Variants in GTF2H1 observed in about 807,000 individuals in gnomAD.
The protein encoded by GTF2H1 is general transcription factor IIH subunit 1.
Under a neutral mutation model 71.2 loss-of-function variants are expected in GTF2H1, and 16 were observed. The observed-to-expected ratio is 0.22, with a 90% confidence interval of 0.15 to 0.34. The LOEUF (loss-of-function observed/expected upper bound fraction) is 0.34. GTF2H1 is among the 10% of genes least tolerant of loss of function. The probability of loss-of-function intolerance (pLI) is 1.00; values close to 1 mark genes in which losing one functional copy is unlikely to be tolerated. For missense variants in GTF2H1, 498 were observed against 648.2 expected, an observed-to-expected ratio of 0.77 and a Z score of 2.52; for synonymous variants, 215 against 219.0, an observed-to-expected ratio of 0.98 and a Z score of 0.16.
intron 11 of GTF2H1, among the ~76,000 whole-genome samples, chr11:18,357,663 T>C (rs1177373643): frequency 6.6e-6 from 1 of 152,196 alleles, no homozygotes; most frequent in Non-Finnish European, 1.5e-5. Context: ...CATATTAAAT[T>C]GAATTGGTAC....
chr11:18,365,724 G>A (rs1865808354), intron 14 of GTF2H1, 59 bp from the exon 15 acceptor site: 1 of 1,148,356 alleles, frequency 8.7e-7, no homozygotes, highest in Non-Finnish European at 1.3e-6. Flanking sequence ...GATTTGGGTT[G>A]GAAGGATTAA....
At chr11:18,345,477 C>T (rs1490011501) in intron 7 of GTF2H1, among the ~76,000 whole-genome samples, 1 of 150,282 alleles carries the variant, frequency 6.7e-6, no homozygotes, top group African/African-American at 2.4e-5. Context: ...TTATTTGATA[C>T]ATTGATGAAC....
chr11:18,333,371 T>C (rs1329982626), intron 2 of GTF2H1, 143 bp downstream of exon 2: 9 of 594,058 alleles, frequency 1.5e-5, no homozygotes, highest in Non-Finnish European at 2.3e-5. Flanking sequence ...GAATATATAC[T>C]GTTTTATAAC....
intron 9 of GTF2H1, among the ~76,000 whole-genome samples, chr11:18,349,418 C>G (rs976716575): frequency 1.3e-5 from 2 of 152,136 alleles, no homozygotes; most frequent in Admixed American, 1.3e-4. Context: ...AGCCGTGGCT[C>G]ACACCTGTAG....
intron 14 of GTF2H1, among the ~76,000 whole-genome samples, chr11:18,364,144 T>C (rs1865767892): frequency 2.0e-5 from 3 of 152,082 alleles, no homozygotes; most frequent in Admixed American, 6.6e-5. Flanking sequence ...TGTCTTCCAA[T>C]TGATAATATA....
chr11:18,362,163 A>G (rs867817571), intron 14 of GTF2H1, among the ~76,000 whole-genome samples: 1 of 152,246 alleles, frequency 6.6e-6, no homozygotes, highest in Non-Finnish European at 1.5e-5. Context: ...ACAAACCTGT[A>G]CAGCATAGTA....
intron 7 of GTF2H1, among the ~76,000 whole-genome samples, chr11:18,345,418 T>G (rs1188271913): frequency 1.3e-5 from 2 of 152,176 alleles, no homozygotes; most frequent in Non-Finnish European, 2.9e-5. Context: ...TTTGTTCTGT[T>G]TATTGGCCTG....
rs753945142 is a variant in GTF2H1 at position 18,365,783 on chromosome 11, T to C, written c.1561T>C (p.Leu521=). Residue 521 remains leucine, a splice_region_variant and synonymous_variant, in exon 15 of 15, where the codon TTG becomes CTG. Transcript: ENST00000265963. Reference sequence around the variant, plus strand: ...TTAAGTGTCTTGCTGTGTTTTTCAGTTGGTAAGTCACATAGAAGAGATGCT... The same window carrying C: ...TTAAGTGTCTTGCTGTGTTTTTCAGCTGGTAAGTCACATAGAAGAGATGCT... ...KIRRQYLSTN[L]VSHIEEMLQT... is the part of the protein sequence containing the mutation. 6 of 1,609,660 alleles carry C rather than the reference T, an allele frequency of 3.7e-6. No individual in the cohort carries two copies. Among genetic ancestry groups the C allele is most frequent in the African/African-American group, 1.3e-5 (1 of 74,936 alleles).
chr11:18,331,853 C>T (rs1439120989), intron 1 of GTF2H1, among the ~76,000 whole-genome samples: 1 of 152,128 alleles, frequency 6.6e-6, no homozygotes, highest in Non-Finnish European at 1.5e-5. Context: ...TCCAGTATTT[C>T]ATTGTTCCCA....
rs577812832 is a variant in GTF2H1 at position 18,328,277 on chromosome 11, G to A, written c.-15-4783G>A. ...TGTAATCCCAGCACTTTGGGAGGCC[G>A]AGGCAGGTGGATCACCTGAGGTCAG... On this transcript the variant is annotated intron_variant, in intron 1 of 14. Transcript: ENST00000265963. Among the ~76,000 whole-genome samples, 5 of 151,138 alleles carry A rather than the reference G, an allele frequency of 3.3e-5. No individual in the cohort carries two copies. The South Asian group carries it at 8.4e-4, about 25-fold the overall frequency.
intron 7 of GTF2H1, 128 bp from the exon 8 acceptor site, chr11:18,347,460 A>G: frequency 1.7e-6 from 1 of 595,076 alleles, no homozygotes; most frequent in Non-Finnish European, 2.9e-6. Flanking sequence ...ATGTTTGTTC[A>G]TAAATATTTA....
At chr11:18,336,854 A>G (rs943784707) in intron 3 of GTF2H1, among the ~76,000 whole-genome samples, 2 of 151,298 alleles carry the variant, frequency 1.3e-5, no homozygotes, top group African/African-American at 4.9e-5. Flanking sequence ...TCCTGGGTTC[A>G]AGCAGTTCTC....
At chr11:18,358,313 G>C (rs1865610771) in intron 12 of GTF2H1, among the ~76,000 whole-genome samples, 1 of 152,106 alleles carries the variant, frequency 6.6e-6, no homozygotes, top group Admixed American at 6.6e-5. Context: ...TTAGAATAAA[G>C]GGGAAACCTG....
At chr11:18,352,177 C>T in intron 10 of GTF2H1, 152 bp from the exon 11 acceptor site, 1 of 635,288 alleles carries the variant, frequency 1.6e-6, no homozygotes, top group Non-Finnish European at 2.8e-6. Flanking sequence ...TCTTATTGCC[C>T]TTATGGGAAT....
At chr11:18,339,531 C>G in intron 4 of GTF2H1, 33 bp from the exon 5 acceptor site, 5 of 1,464,384 alleles carry the variant, frequency 3.4e-6, no homozygotes, top group Non-Finnish European at 4.8e-6. Context: ...CCCTGATGCT[C>G]TAACGTGTAT....
chr11:18,341,463 A>ATTATAAGTG, intron 6 of GTF2H1, 53 bp downstream of exon 6: 1 of 1,605,772 alleles, frequency 6.2e-7, no homozygotes. Flanking sequence ...CCCTCTAGAC[A>ATTATAAGTG]TTATAAGTGT....
chr11:18,322,893 C>T (rs1170704425), intron 1 of GTF2H1, among the ~76,000 whole-genome samples, 153 bp downstream of exon 1: 2 of 152,204 alleles, frequency 1.3e-5, no homozygotes, highest in Non-Finnish European at 2.9e-5. Flanking sequence ...CTTGTTTGCC[C>T]TTATCCCGAG....
At chr11:18,338,086 A>T in intron 3 of GTF2H1, 23 bp from the exon 4 acceptor site, 1 of 1,556,404 alleles carries the variant, frequency 6.4e-7, no homozygotes, top group Non-Finnish European at 8.9e-7. Context: ...GTTCAGTTAT[A>T]TTCAGTATAT....
At position 18,333,324 on chromosome 11, in the gene GTF2H1, A is replaced by G. The variant is rs1239157390; in HGVS notation, c.154+96A>G. On this transcript the variant is annotated intron_variant, in intron 2 of 14. Transcript: ENST00000265963. The stretch of plus-strand genomic sequence containing the variant: ...ATAAATCTTTATTTTATATCAAAAA[A>G]TCAACTATGTAGAAATAATTACAAA... 1.3e-5 allele frequency: 12 copies of G among 926,060 alleles called. No homozygotes were observed. In the East Asian group the frequency reaches 3.0e-4, roughly 23 times the overall value. The allele number at this position is 926,060 out of a possible 1,614,324, so 57.4% of individuals were successfully genotyped here.
Sources: gnomAD v4.1 joint callset for allele counts (sites outside exome capture counted in the v4.1 genomes callset) on GRCh38, gnomAD v4.1.1 for gene constraint, MANE v1.5 for transcripts, NCBI Gene and HGNC (gene_info 2026-07-23, HGNC 2026-07-21) for gene names.